DNAJC3: variants seen among roughly 807,000 people sequenced by gnomAD.
The protein encoded by DNAJC3 is DnaJ heat shock protein family (Hsp40) member C3.
In DNAJC3, 38 loss-of-function variants were observed where a neutral mutation model predicts 68.6. That is an observed-to-expected ratio of 0.55 (90% CI 0.43 to 0.73). The LOEUF (loss-of-function observed/expected upper bound fraction) is 0.73. Among genes scored for constraint, DNAJC3 ranks in the 30% least tolerant of loss-of-function variants. DNAJC3 has a pLI of 0.00. For missense variants in DNAJC3, 526 were observed against 591.9 expected (o/e 0.89, Z 1.16); for synonymous variants, 203 against 204.0 (o/e 1.00, Z 0.04).
At chr13:95,680,011 A>G (rs941234820) in intron 1 of DNAJC3, among the ~76,000 whole-genome samples, 4 of 152,170 alleles carry the variant, frequency 2.6e-5, no homozygotes, top group African/African-American at 9.7e-5. Flanking sequence ...TGAAAGTTTG[A>G]GTCTTTTGGC....
intron 7 of DNAJC3, among the ~76,000 whole-genome samples, chr13:95,761,609 A>G (rs1039364616): frequency 5.3e-5 from 8 of 152,290 alleles, no homozygotes; most frequent in Middle Eastern, 3.4e-3. Context: ...TTCCATCCCA[A>G]CAAGGACACC....
chr13:95,758,235 G>C (rs1882722792), intron 5 of DNAJC3, among the ~76,000 whole-genome samples: 1 of 152,220 alleles, frequency 6.6e-6, no homozygotes, highest in Admixed American at 6.5e-5. Context: ...TTACTTGGGA[G>C]CTGAGGCTGG....
At chr13:95,712,619 C>G (rs1881008758) in intron 2 of DNAJC3, among the ~76,000 whole-genome samples, 1 of 152,068 alleles carries the variant, frequency 6.6e-6, no homozygotes, top group African/African-American at 2.4e-5. Context: ...CTCAAGTCAT[C>G]CACCCGCCTC....
intron 9 of DNAJC3, among the ~76,000 whole-genome samples, chr13:95,772,442 A>G (rs1403360793): frequency 6.6e-6 from 1 of 152,244 alleles, no homozygotes; most frequent in Non-Finnish European, 1.5e-5. Context: ...TTTTAAAAGA[A>G]ACTGCCAGAC....
intron 9 of DNAJC3, among the ~76,000 whole-genome samples, chr13:95,766,628 A>G (rs1566507753): frequency 6.6e-6 from 1 of 152,162 alleles, no homozygotes; most frequent in Non-Finnish European, 1.5e-5. Context: ...TTATTATACA[A>G]AAGTCATAGT....
intron 4 of DNAJC3, among the ~76,000 whole-genome samples, chr13:95,734,091 A>C (rs1350986938): frequency 1.3e-5 from 2 of 152,046 alleles, no homozygotes; most frequent in Non-Finnish European, 2.9e-5. Flanking sequence ...TGTAGTGGTA[A>C]CATTTGAATC....
At chr13:95,696,901 G>A (rs919112340) in intron 1 of DNAJC3, among the ~76,000 whole-genome samples, 2 of 151,938 alleles carry the variant, frequency 1.3e-5, no homozygotes, top group Non-Finnish European at 2.9e-5. Flanking sequence ...GCCCACCACC[G>A]CGCCTGGCTA....
chr13:95,790,003 T>C (rs1432989628), intron 11 of DNAJC3, among the ~76,000 whole-genome samples: 1 of 152,182 alleles, frequency 6.6e-6, no homozygotes, highest in Non-Finnish European at 1.5e-5. Context: ...AAGTTCTTTG[T>C]AGACCTTTGT....
rs181017149 is a variant in DNAJC3 at position 95,734,518 on chromosome 13, C to G, written c.393+9266C>G. Among the ~76,000 whole-genome samples, 28 of 152,190 alleles carry G rather than the reference C, an allele frequency of 1.8e-4. 1 individual carries two copies. In the East Asian group the frequency reaches 5.2e-3, roughly 28 times the overall value. On this transcript the variant is annotated intron_variant, in intron 4 of 11. Coordinates refer to ENST00000602402, the MANE Select transcript of DNAJC3 (RefSeq NM_006260.5). ...TGGAGAAGTCCTTTTTGAACTGTAT[C>G]TATTTTGGGTTATCTGAGCTTTCTG...
At chr13:95,767,968 G>A (rs766179845) in intron 9 of DNAJC3, among the ~76,000 whole-genome samples, 1 of 151,928 alleles carries the variant, frequency 6.6e-6, no homozygotes, top group East Asian at 1.9e-4. Flanking sequence ...GCCTCCCAAA[G>A]TGATGGGATT....
intron 9 of DNAJC3, among the ~76,000 whole-genome samples, chr13:95,777,519 C>A (rs1373293409): frequency 6.6e-6 from 1 of 152,108 alleles, no homozygotes; most frequent in African/African-American, 2.4e-5. Flanking sequence ...TCATCATTAG[C>A]TATAATTTTT....
intron 5 of DNAJC3, 121 bp downstream of exon 5, chr13:95,757,917 C>G: frequency 9.1e-7 from 1 of 1,101,932 alleles, no homozygotes. Context: ...GGTCCTTGGG[C>G]TTTTGCCTCT....
At chr13:95,756,936 CTG>C (rs1045153782) in intron 4 of DNAJC3, among the ~76,000 whole-genome samples, 1 of 152,064 alleles carries the variant, frequency 6.6e-6, no homozygotes, top group African/African-American at 2.4e-5. Context: ...TGGTCTAAAA[CTG>C]TGGTGATGGC....
chr13:95,720,005 G>T (rs1014786093), intron 2 of DNAJC3, among the ~76,000 whole-genome samples: 1 of 149,930 alleles, frequency 6.7e-6, no homozygotes, highest in African/African-American at 2.4e-5. Context: ...TACAGACACA[G>T]TTTTTTTTTT....
At chr13:95,787,526 G>C (rs538175338) in intron 11 of DNAJC3, among the ~76,000 whole-genome samples, 8 of 152,320 alleles carry the variant, frequency 5.3e-5, no homozygotes, top group African/African-American at 1.9e-4. Flanking sequence ...ACAGGAGCTT[G>C]ATGAGGAAAC....
chr13:95,727,332 G>A (rs540560820), intron 4 of DNAJC3, among the ~76,000 whole-genome samples: 7 of 152,174 alleles, frequency 4.6e-5, no homozygotes, highest in Non-Finnish European at 8.8e-5. Context: ...GATATGCCTT[G>A]GGTTAATGTC....
At chr13:95,764,420 C>T (rs1339681268) in intron 9 of DNAJC3, among the ~76,000 whole-genome samples, 5 of 144,756 alleles carry the variant, frequency 3.5e-5, no homozygotes, top group African/African-American at 1.3e-4. Flanking sequence ...AACATAAATA[C>T]AGAAAGCATA....
intron 4 of DNAJC3, among the ~76,000 whole-genome samples, chr13:95,738,778 G>A (rs1428896926): frequency 5.9e-5 from 9 of 152,022 alleles, no homozygotes; most frequent in African/African-American, 1.4e-4. Context: ...TCTTTATCCA[G>A]TTTGCCAGTC....
chr13:95,717,999 A>C (rs1331071628), intron 2 of DNAJC3, among the ~76,000 whole-genome samples: 1 of 152,122 alleles, frequency 6.6e-6, no homozygotes, highest in Non-Finnish European at 1.5e-5. Flanking sequence ...GTATTGTTTT[A>C]TTCTGGCTAA....
Sources: allele counts gnomAD v4.1 joint callset (sites outside exome capture counted in the v4.1 genomes callset), GRCh38; gene constraint gnomAD v4.1.1; transcripts MANE v1.5; gene names NCBI Gene and HGNC (gene_info 2026-07-23, HGNC 2026-07-21).